PPP6R3: variants seen among roughly 807,000 people sequenced by gnomAD.
PPP6R3 encodes protein phosphatase 6 regulatory subunit 3, also known as serine/threonine-protein phosphatase 6 regulatory subunit 3.
Under a neutral mutation model 110.7 loss-of-function variants are expected in PPP6R3, and 38 were observed. That is an observed-to-expected ratio of 0.34 (90% CI 0.26 to 0.45). The LOEUF (loss-of-function observed/expected upper bound fraction) is 0.45, where lower values mean the gene tolerates loss of function less well. PPP6R3 is among the 20% of genes least tolerant of loss of function. PPP6R3 has a pLI of 1.00. For synonymous variants in PPP6R3, 369 were observed against 373.5 expected (o/e 0.99, Z 0.14); for missense variants, 870 against 1,062.4 (o/e 0.82, Z 2.52).
At chr11:68,491,443 C>A (rs2098983707) in intron 1 of PPP6R3, among the ~76,000 whole-genome samples, 2 of 151,020 alleles carry the variant, frequency 1.3e-5, no homozygotes, top group African/African-American at 4.9e-5. Flanking sequence ...CTTCTAGGTG[C>A]AAGGATCCTC....
At chr11:68,611,620 G>A (rs949702169) in intron 23 of PPP6R3, among the ~76,000 whole-genome samples, 1 of 152,116 alleles carries the variant, frequency 6.6e-6, no homozygotes, top group Non-Finnish European at 1.5e-5. Context: ...TCTAGGCCGG[G>A]TCATAAAGCT....
intron 14 of PPP6R3, among the ~76,000 whole-genome samples, chr11:68,576,522 A>AT (rs907810817): frequency 2.0e-4 from 31 of 152,178 alleles, no homozygotes; most frequent in Admixed American, 6.5e-4. Flanking sequence ...CAGCTTTAAA[A>AT]TTTTTTTACC....
At chr11:68,575,119 GTTTATC>G (rs1416512423) in intron 13 of PPP6R3, among the ~76,000 whole-genome samples, 3 of 152,280 alleles carry the variant, frequency 2.0e-5, no homozygotes, top group Non-Finnish European at 4.4e-5. Flanking sequence ...TCACCACACA[GTTTATC>G]TTTATGTCCT....
chr11:68,592,097 A>T (rs1457844154), intron 18 of PPP6R3, among the ~76,000 whole-genome samples: 3 of 152,208 alleles, frequency 2.0e-5, no homozygotes, highest in Non-Finnish European at 4.4e-5. Context: ...TTTAAAAGTT[A>T]ATCTATTTGG....
In PPP6R3 at chr11:68,578,873, A is replaced by G. The variant is rs558795646; in HGVS notation, c.1545+2830A>G. ...ATGAACAAAAGTTGGTGTTTTAATT[A>G]TATCCAAAGACCTCTGTGTTTTGAC... On this transcript the variant is annotated intron_variant, in intron 14 of 23. Transcript: ENST00000393800. 7.9e-5 allele frequency among the ~76,000 whole-genome samples: 12 copies of G among 152,342 alleles called. No individual in the cohort carries two copies. In the East Asian group the frequency reaches 2.3e-3, roughly 29 times the overall value.
intron 1 of PPP6R3, among the ~76,000 whole-genome samples, chr11:68,461,794 G>A (rs977719419): frequency 2.6e-5 from 4 of 152,140 alleles, no homozygotes; most frequent in African/African-American, 9.7e-5. Flanking sequence ...CGCAGCACTT[G>A]TTGACGGGGT....
intron 4 of PPP6R3, among the ~76,000 whole-genome samples, chr11:68,545,595 G>A (rs988362045): frequency 1.3e-5 from 2 of 152,156 alleles, no homozygotes; most frequent in African/African-American, 4.8e-5. Flanking sequence ...ACTTCACTTG[G>A]TTCTCTAAGT....
intron 23 of PPP6R3, among the ~76,000 whole-genome samples, chr11:68,610,506 T>A (rs1942863095): frequency 6.6e-6 from 1 of 152,194 alleles, no homozygotes; most frequent in Non-Finnish European, 1.5e-5. Context: ...TAATTCTTAG[T>A]GCTTAAGTGA....
chr11:68,559,409 G>T (rs1241765482), intron 8 of PPP6R3, among the ~76,000 whole-genome samples: 1 of 152,118 alleles, frequency 6.6e-6, no homozygotes, highest in Non-Finnish European at 1.5e-5. Context: ...AAGTTTTCCG[G>T]GATTGTGTGA....
intron 2 of PPP6R3, among the ~76,000 whole-genome samples, chr11:68,531,112 A>G (rs1369565204): frequency 3.9e-5 from 6 of 152,072 alleles, no homozygotes; most frequent in South Asian, 4.1e-4. Context: ...TGCTTTTCCT[A>G]TGTTTTTCAT....
intron 2 of PPP6R3, among the ~76,000 whole-genome samples, chr11:68,536,979 G>A (rs2099274411): frequency 6.6e-6 from 1 of 152,184 alleles, no homozygotes; most frequent in Non-Finnish European, 1.5e-5. Context: ...TAACAAATAA[G>A]TACTTTTTTT....
chr11:68,477,987 T>C (rs2098847846), intron 1 of PPP6R3, among the ~76,000 whole-genome samples: 1 of 151,546 alleles, frequency 6.6e-6, no homozygotes, highest in Non-Finnish European at 1.5e-5. Flanking sequence ...TTTTGCTCTT[T>C]TGCCCAGGCT....
chr11:68,587,547 A>T (rs989303909), intron 15 of PPP6R3: 1 of 251,740 alleles, frequency 4.0e-6, no homozygotes, highest in African/African-American at 2.3e-5. Flanking sequence ...CACTTGTTGG[A>T]TCTTAGGATA....
At chr11:68,541,360 A>G (rs564302899) in intron 3 of PPP6R3, among the ~76,000 whole-genome samples, 1 of 152,312 alleles carries the variant, frequency 6.6e-6, no homozygotes, top group South Asian at 2.1e-4. Context: ...GAGAAAAACA[A>G]GATCTTAGTG....
intron 7 of PPP6R3, among the ~76,000 whole-genome samples, chr11:68,557,245 A>G (rs2099403034): frequency 6.6e-6 from 1 of 152,196 alleles, no homozygotes. Context: ...TCTCACAAGC[A>G]ATTATTGCTG....
chr11:68,550,941 A>C, intron 5 of PPP6R3, 180 bp from the exon 6 acceptor site: 1 of 545,324 alleles, frequency 1.8e-6, no homozygotes. Flanking sequence ...CATTGTTAAA[A>C]CAATATATTC....
intron 1 of PPP6R3, among the ~76,000 whole-genome samples, chr11:68,501,480 C>T (rs1592129751): frequency 6.6e-6 from 1 of 152,166 alleles, no homozygotes; most frequent in Non-Finnish European, 1.5e-5. Flanking sequence ...GCACGCACCA[C>T]CACACCTGGC....
chr11:68,515,388 AG>A (rs1167296351), intron 1 of PPP6R3, among the ~76,000 whole-genome samples: 1 of 152,276 alleles, frequency 6.6e-6, no homozygotes, highest in East Asian at 1.9e-4. Context: ...ACAGTACCAC[AG>A]GAGATGGCTG....
Position 68,567,084 on chromosome 11 carries a change from G to A in PPP6R3, c.1046G>A (p.Arg349Lys), listed in dbSNP as rs539017549. ...GGGAATACCCGGTTGAATGTCATTA[G>A]GTTGATATCCAGCCTGCTTCAAACC... The part of the protein sequence containing the change: ...PVGNTRLNVI[R>K]LISSLLQTNT... Residue 349 changes from arginine to lysine, a missense_variant, in exon 10 of 24, where the codon AGG becomes AAG. Transcript: ENST00000393800. The A allele has an allele frequency of 3.2e-6, 5 of 1,551,512 alleles. No individual in the cohort carries two copies. In the East Asian group the frequency reaches 1.2e-4, roughly 38 times the overall value.
Sources: allele counts gnomAD v4.1 joint callset (sites outside exome capture counted in the v4.1 genomes callset), GRCh38; gene constraint gnomAD v4.1.1; transcripts MANE v1.5; gene names NCBI Gene and HGNC (gene_info 2026-07-23, HGNC 2026-07-21).